The following IGSF21 variants were observed in gnomAD, a reference collection of about 807,000 sequenced individuals.
The protein encoded by IGSF21 is immunoglobulin superfamily member 21.
A neutral mutation model predicts 46.8 loss-of-function variants in IGSF21; 28 were observed. The ratio of observed to expected loss-of-function variants is 0.60; its 90% confidence interval spans 0.44 to 0.82. The LOEUF (loss-of-function observed/expected upper bound fraction) is 0.82. Among genes scored for constraint, IGSF21 ranks in the 40% least tolerant of loss-of-function variants. The probability of loss-of-function intolerance (pLI) is 0.00; values close to 1 mark genes in which losing one functional copy is unlikely to be tolerated. For missense variants in IGSF21, 624 were observed against 665.5 expected, an observed-to-expected ratio of 0.94 and a Z score of 0.69; for synonymous variants, 284 against 273.6, an observed-to-expected ratio of 1.04 and a Z score of -0.38.
chr1:18,241,634 T>C (rs1219306244), intron 2 of IGSF21, among the ~76,000 whole-genome samples: 1 of 152,182 alleles, frequency 6.6e-6, no homozygotes, highest in Non-Finnish European at 1.5e-5. Flanking sequence ...TCGAATGCGC[T>C]GAATCCCTCT....
intron 4 of IGSF21, among the ~76,000 whole-genome samples, chr1:18,350,040 G>A (rs565342418): frequency 2.0e-5 from 3 of 152,314 alleles, no homozygotes; most frequent in Non-Finnish European, 4.4e-5. Context: ...GCCCATGGAA[G>A]GTCCACTGCT....
intron 1 of IGSF21, among the ~76,000 whole-genome samples, chr1:18,177,666 A>G (rs1324045490): frequency 1.3e-5 from 2 of 152,146 alleles, no homozygotes; most frequent in African/African-American, 4.8e-5. Context: ...GGGAATGATC[A>G]AATGTCTCAT....
intron 2 of IGSF21, among the ~76,000 whole-genome samples, chr1:18,279,497 T>C (rs141843420): frequency 2.9e-4 from 44 of 152,098 alleles, no homozygotes; most frequent in African/African-American, 1.0e-3. Flanking sequence ...GCCACCCCCA[T>C]AGAACAGCAG....
chr1:18,236,226 T>C (rs2084671645), intron 2 of IGSF21, among the ~76,000 whole-genome samples: 1 of 152,168 alleles, frequency 6.6e-6, no homozygotes, highest in Non-Finnish European at 1.5e-5. Context: ...CATACTGTTC[T>C]CCTGGTAGTG....
intron 2 of IGSF21, among the ~76,000 whole-genome samples, chr1:18,279,434 T>A (rs1175424131): frequency 6.6e-6 from 1 of 152,168 alleles, no homozygotes; most frequent in East Asian, 1.9e-4. Flanking sequence ...ATATGCTCTA[T>A]CGTAACCCCT....
At chr1:18,176,084 G>A (rs2086792773) in intron 1 of IGSF21, 1 of 152,204 alleles carries the variant, frequency 6.6e-6, no homozygotes, top group South Asian at 2.1e-4. Flanking sequence ...GCAGAATGAG[G>A]TTCAGAGATG....
chr1:18,364,398 A>G (rs1410002982), intron 5 of IGSF21, among the ~76,000 whole-genome samples: 1 of 46,636 alleles, frequency 2.1e-5, no homozygotes, highest in Non-Finnish European at 4.5e-5. Flanking sequence ...ATCCCCTCCC[A>G]CCTCCTTCAC....
At chr1:18,211,506 C>A (rs145082416) in intron 1 of IGSF21, among the ~76,000 whole-genome samples, 7 of 152,264 alleles carry the variant, frequency 4.6e-5, no homozygotes, top group African/African-American at 1.4e-4. Context: ...CAGTTTAATG[C>A]GAGTTGCCTT....
At position 18,126,129 on chromosome 1, in the gene IGSF21, T is replaced by C. The variant is rs112512297; in HGVS notation, c.70+17931T>C. Among the ~76,000 whole-genome samples, 568 of 152,114 alleles carry C rather than the reference T, an allele frequency of 3.7e-3. 6 individuals are homozygous for C. The highest frequency in any genetic ancestry group is 0.013 in the African/African-American group (527 of 41,502). On this transcript the variant is annotated intron_variant, in intron 1 of 9. Transcript: ENST00000251296. ...TTTGAACCCCAACTTCCCATAGAGG[T>C]GCCCCAGGGGACCACTTTGGGAGGC...
At chr1:18,283,499 A>C (rs1404293319) in intron 2 of IGSF21, among the ~76,000 whole-genome samples, 1 of 152,128 alleles carries the variant, frequency 6.6e-6, no homozygotes, top group Admixed American at 6.5e-5. Flanking sequence ...GAGCGGTTTC[A>C]GGGTGGAGAA....
chr1:18,376,685 C>T (rs12757053), intron 7 of IGSF21, 115 bp from the exon 8 acceptor site: 35 of 1,031,114 alleles, frequency 3.4e-5, no homozygotes, highest in Non-Finnish European at 5.0e-5. Context: ...GCAGCCACTC[C>T]TAACCCGTCG....
intron 1 of IGSF21, among the ~76,000 whole-genome samples, chr1:18,180,812 C>T (rs562656692): frequency 1.3e-5 from 2 of 152,358 alleles, no homozygotes; most frequent in East Asian, 3.9e-4. Flanking sequence ...ATTATCCCCA[C>T]TTCACAGATG....
At chr1:18,296,128 C>T (rs938899811) in intron 3 of IGSF21, among the ~76,000 whole-genome samples, 1 of 152,094 alleles carries the variant, frequency 6.6e-6, no homozygotes, top group African/African-American at 2.4e-5. Flanking sequence ...TTCTCAGTGA[C>T]CCCCCAGAAT....
intron 4 of IGSF21, among the ~76,000 whole-genome samples, chr1:18,358,039 G>C (rs1445394896): frequency 6.6e-6 from 1 of 151,934 alleles, no homozygotes; most frequent in African/African-American, 2.4e-5. Context: ...TCCAGAGAGA[G>C]AGAGAGAGTG....
intron 1 of IGSF21, among the ~76,000 whole-genome samples, chr1:18,159,500 G>A (rs1190505645): frequency 1.3e-5 from 2 of 152,154 alleles, no homozygotes; most frequent in African/African-American, 4.8e-5. Context: ...GTGGTAGTGA[G>A]TAAGTCTCAC....
intron 2 of IGSF21, among the ~76,000 whole-genome samples, chr1:18,275,098 C>G (rs1336316211): frequency 1.3e-5 from 2 of 152,150 alleles, no homozygotes; most frequent in African/African-American, 4.8e-5. Context: ...AAAACAGGGG[C>G]CTCTTCTTAA....
At chr1:18,181,987 A>G (rs1557575841) in intron 1 of IGSF21, among the ~76,000 whole-genome samples, 1 of 152,200 alleles carries the variant, frequency 6.6e-6, no homozygotes, top group Admixed American at 6.5e-5. Context: ...AGGAATTTCC[A>G]GAGCTGTACT....
intron 3 of IGSF21, among the ~76,000 whole-genome samples, chr1:18,331,887 G>T (rs1220988411): frequency 6.6e-6 from 1 of 152,172 alleles, no homozygotes; most frequent in Non-Finnish European, 1.5e-5. Flanking sequence ...ATGTCAAGGA[G>T]GGTGCCCAAG....
Position 18,376,849 on chromosome 1 carries a change from G to A in IGSF21, c.1151G>A (p.Arg384His), listed in dbSNP as rs745817217. Residue 384 changes from arginine to histidine, a missense_variant, in exon 8 of 10, where the codon CGC becomes CAC. Physicochemically the swap from Arg to His is conservative, Grantham distance 29. Coordinates refer to ENST00000251296, the MANE Select transcript of IGSF21 (RefSeq NM_032880.5). ...TTCACGTGGACGCGGGTTGGGAGCC[G>A]CCTCCTGGACGGCAGCGCTGAGTTC... Reference protein sequence around the residue: ...PMFTWTRVGSRLLDGSAEFDG... With the variant: ...PMFTWTRVGSHLLDGSAEFDG... The A allele has an allele frequency of 8.7e-6, 14 of 1,609,886 alleles. No individual in the cohort carries two copies. Among genetic ancestry groups the A allele is most frequent in the South Asian group, 2.2e-5 (2 of 90,892 alleles).
Sources: gnomAD v4.1 joint callset for allele counts (sites outside exome capture counted in the v4.1 genomes callset) on GRCh38, gnomAD v4.1.1 for gene constraint, MANE v1.5 for transcripts, NCBI Gene and HGNC (gene_info 2026-07-23, HGNC 2026-07-21) for gene names.